The following DOCK7 variants were observed in gnomAD, a reference collection of about 807,000 sequenced individuals.
DOCK7 encodes dedicator of cytokinesis 7.
In DOCK7, 138 loss-of-function variants were observed where a neutral mutation model predicts 271.0. The ratio of observed to expected loss-of-function variants is 0.51; its 90% CI spans 0.44 to 0.59. DOCK7 has a LOEUF of 0.59. Among genes scored for constraint, DOCK7 ranks in the 20% least tolerant of loss-of-function variants. The pLI, the probability that DOCK7 is intolerant of heterozygous loss-of-function variation, is 0.00. For missense variants in DOCK7, 2,066 were observed against 2,592.4 expected (o/e 0.80, Z 4.41); for synonymous variants, 823 against 876.1 (o/e 0.94, Z 1.07).
intron 39 of DOCK7, chr1:62,495,330 G>A (rs55763644): frequency 3.0e-4 from 75 of 247,014 alleles, no homozygotes; most frequent in East Asian, 6.0e-4. Flanking sequence ...GGTGGCTCAC[G>A]TCTGTAATCC....
At chr1:62,460,604 A>AACACACACACACAC (rs57641890) in intron 48 of DOCK7, among the ~76,000 whole-genome samples, 29 of 149,012 alleles carry the variant, frequency 1.9e-4, no homozygotes, top group African/African-American at 6.7e-4. Context: ...CAATGTATTG[A>AACACACACACACAC]ACACACACAC....
intron 20 of DOCK7, among the ~76,000 whole-genome samples, chr1:62,557,788 T>C (rs1322158907): frequency 4.0e-5 from 6 of 151,828 alleles, no homozygotes; most frequent in Non-Finnish European, 5.9e-5. Flanking sequence ...GCTAACCTTT[T>C]TTTCCTTAAA....
At chr1:62,641,425 G>T (rs1161143177) in intron 7 of DOCK7, 1 of 402,470 alleles carries the variant, frequency 2.5e-6, no homozygotes, top group Non-Finnish European at 5.0e-6. Flanking sequence ...TCTTGAGGTG[G>T]TCCAAAGCAG....
chr1:62,534,060 G>A (rs1471007272), intron 29 of DOCK7, among the ~76,000 whole-genome samples: 1 of 151,688 alleles, frequency 6.6e-6, no homozygotes, highest in Non-Finnish European at 1.5e-5. Context: ...GTGCAGTGGT[G>A]TGATCTTGGC....
chr1:62,571,530 G>A (rs1177426255), intron 18 of DOCK7, among the ~76,000 whole-genome samples: 3 of 152,022 alleles, frequency 2.0e-5, no homozygotes, highest in African/African-American at 7.3e-5. Context: ...AATACCATTC[G>A]AACCAGCAAT....
intron 25 of DOCK7, among the ~76,000 whole-genome samples, chr1:62,542,130 G>A (rs953393327): frequency 3.3e-5 from 5 of 151,962 alleles, no homozygotes; most frequent in Non-Finnish European, 7.4e-5. Flanking sequence ...CTCCTGCCTC[G>A]GCCTTCTAAA....
rs1656860446 is a variant in DOCK7 at position 62,647,816 on chromosome 1, C to G, written c.733-40G>C. 4 of 1,370,258 alleles carry G rather than the reference C, an allele frequency of 2.9e-6. No homozygotes were observed. In the South Asian group the frequency reaches 4.9e-5, roughly 17 times the overall value. 84.9% of individuals were successfully genotyped at this position (1,370,258 alleles called of 1,614,324 possible). ...GCAACACCAAAATGAATATGCTTAT[C>G]ATATTCCAACTCTTTATCTTTTTCA... On this transcript the variant is annotated intron_variant, in intron 6 of 49. Coordinates refer to ENST00000635253, the MANE Select transcript of DOCK7 (RefSeq NM_001367561.1).
At chr1:62,536,027 T>G (rs994542510) in intron 28 of DOCK7, among the ~76,000 whole-genome samples, 1 of 152,174 alleles carries the variant, frequency 6.6e-6, no homozygotes, top group African/African-American at 2.4e-5. Flanking sequence ...AGGCTATTGG[T>G]TTCCAGAGAA....
intron 1 of DOCK7, among the ~76,000 whole-genome samples, chr1:62,674,416 C>T (rs912404662): frequency 6.6e-6 from 1 of 152,136 alleles, no homozygotes; most frequent in African/African-American, 2.4e-5. Context: ...AAAATCCCAA[C>T]AAGACTTTGC....
chr1:62,541,292 G>A (rs1339398906), intron 25 of DOCK7, among the ~76,000 whole-genome samples: 1 of 152,180 alleles, frequency 6.6e-6, no homozygotes, highest in African/African-American at 2.4e-5. Flanking sequence ...CCACAGGGCA[G>A]TACTGGCATA....
chr1:62,564,063 T>G (rs1178792912), intron 18 of DOCK7, among the ~76,000 whole-genome samples: 1 of 151,910 alleles, frequency 6.6e-6, no homozygotes, highest in Non-Finnish European at 1.5e-5. Flanking sequence ...GCACCCAGAT[T>G]CATAAAGCAA....
chr1:62,473,622 G>T (rs145670783), intron 48 of DOCK7, among the ~76,000 whole-genome samples: 7 of 152,058 alleles, frequency 4.6e-5, no homozygotes, highest in African/African-American at 1.7e-4. Context: ...CTCCTGCTCT[G>T]TCACCCAGGC....
intron 14 of DOCK7, chr1:62,604,401 A>T: frequency 1.1e-6 from 1 of 945,778 alleles, no homozygotes; most frequent in Non-Finnish European, 1.6e-6. Context: ...ATTCTAGTTC[A>T]ATCAGGTATT....
chr1:62,650,833 T>C (rs1446109251), intron 4 of DOCK7, among the ~76,000 whole-genome samples: 1 of 152,136 alleles, frequency 6.6e-6, no homozygotes, highest in Admixed American at 6.5e-5. Context: ...AGGAACACTT[T>C]TACAGTGTTG....
In DOCK7 at chr1:62,674,309, A is replaced by ACC. The variant is rs35650428; in HGVS notation, c.39-11181_39-11180dup. On this transcript the variant is annotated intron_variant, in intron 1 of 49. Coordinates refer to ENST00000635253, the MANE Select transcript of DOCK7 (RefSeq NM_001367561.1). Reference sequence around the variant, plus strand: ...AATTAAATAAGATCTAAATAAATAGACCCCCCCCACCAACCATTTTCATGG... The same window carrying ACC: ...AATTAAATAAGATCTAAATAAATAGACCCCCCCCCCACCAACCATTTTCATGG... Among the ~76,000 whole-genome samples, 186 of 151,058 alleles carry ACC rather than the reference A, an allele frequency of 1.2e-3. 1 individual carries two copies. Among genetic ancestry groups the ACC allele is most frequent in the Non-Finnish European group, 1.9e-3 (131 of 67,744 alleles).
In DOCK7 at chr1:62,543,727, T is replaced by C. The variant is rs1157004653; in HGVS notation, c.2878A>G (p.Asn960Asp). 5.0e-6 allele frequency: 8 copies of C among 1,597,216 alleles called. No individual in the cohort carries two copies. Among genetic ancestry groups the C allele is most frequent in the Middle Eastern group, 1.7e-4 (1 of 5,972 alleles). ...ESTQAMDRSCNRMSSHTETSS... is the reference protein window; with the variant it reads ...ESTQAMDRSCDRMSSHTETSS... ...GTCTCTGTGTGCGAAGACATACGAT[T>C]ACAACTTCGATCCATAGCCTATGGA... Residue 960 changes from asparagine to aspartate, a missense_variant, in exon 24 of 50, where the codon AAT becomes GAT. Physicochemically the swap from Asn to Asp is conservative, Grantham distance 23. Transcript: ENST00000635253.
chr1:62,569,779 C>T (rs1261928880), intron 18 of DOCK7, among the ~76,000 whole-genome samples: 1 of 137,610 alleles, frequency 7.3e-6, no homozygotes, highest in East Asian at 2.5e-4. Context: ...AGTGGTACGA[C>T]CTCAGCTCAC....
rs1327760633 is a variant in DOCK7, at chr1:62,618,778, C to T, written c.1610G>A (p.Ser537Asn). 6 of 1,613,676 alleles carry T rather than the reference C, an allele frequency of 3.7e-6. No homozygotes were observed. Among genetic ancestry groups the T allele is most frequent in the Middle Eastern group, 1.7e-4 (1 of 6,056 alleles). Residue 537 changes from serine to asparagine, a missense_variant, in exon 14 of 50, where the codon AGT (serine) becomes AAT (asparagine). Around this residue, in one of 2 missense-constraint regions of DOCK7, gnomAD observed 1,414 missense variants for 1,670.4 expected, o/e 0.85. Coordinates refer to ENST00000635253, the MANE Select transcript of DOCK7 (RefSeq NM_001367561.1). ...ELLQVKLYPD[S>N]RVRPTREILE... ...GATTTCTCTGGTAGGTCTAACTCTA[C>T]TGTCAGGGTAAAGCTTCACTTGAAG...
chr1:62,511,696 C>G (rs1644489176), intron 33 of DOCK7, among the ~76,000 whole-genome samples: 1 of 151,922 alleles, frequency 6.6e-6, no homozygotes, highest in Admixed American at 6.6e-5. Flanking sequence ...CTTTTCTTTC[C>G]TTTCTTTCCT....
Sources: allele counts gnomAD v4.1 joint callset (sites outside exome capture counted in the v4.1 genomes callset), GRCh38; gene constraint gnomAD v4.1.1; regional missense constraint gnomAD v4.1.1; transcripts MANE v1.5; gene names NCBI Gene and HGNC (gene_info 2026-07-23, HGNC 2026-07-21).